The following KLHDC1 variants were observed in gnomAD, a reference collection of about 807,000 sequenced individuals.
KLHDC1 encodes the protein kelch domain containing 1, also known as kelch domain-containing protein 1.
KLHDC1 carries 53 observed loss-of-function variants against 68.3 expected under a neutral mutation model. The ratio of observed to expected loss-of-function variants is 0.78; its 90% CI spans 0.62 to 0.98. KLHDC1 has a LOEUF of 0.98. Ranked by LOEUF, KLHDC1 falls within the 50% of genes least tolerant of loss-of-function variation. The pLI is 0.00. For synonymous variants in KLHDC1, 148 were observed against 159.0 expected, an observed-to-expected ratio of 0.93 and a Z score of 0.52; for missense variants, 470 against 492.3, an observed-to-expected ratio of 0.95 and a Z score of 0.43.
In KLHDC1 at chr14:49,710,356, C is replaced by G; in HGVS notation, c.379C>G (p.Leu127Val). ...GCAACCACCTACACCACGTGATAAACTTTCCTGCTGGGTATATAAAGACAG... is the reference window on the plus strand; with the variant it reads ...GCAACCACCTACACCACGTGATAAAGTTTCCTGCTGGGTATATAAAGACAG... Reference protein sequence around the residue: ...EGQPPTPRDKLSCWVYKDRLI... With the variant: ...EGQPPTPRDKVSCWVYKDRLI... Residue 127 changes from leucine (L) to valine (V), a missense_variant, in exon 4 of 13, where the codon CTT becomes GTT. Transcript: ENST00000359332. The G allele has an allele frequency of 6.2e-7, 1 of 1,603,438 alleles. No individual in the cohort carries two copies. Among genetic ancestry groups the G allele is most frequent in the East Asian group, 2.2e-5 (1 of 44,758 alleles).
intron 1 of KLHDC1, chr14:49,699,942 G>T: frequency 4.8e-6 from 1 of 209,000 alleles, no homozygotes; most frequent in Non-Finnish European, 1.0e-5. Context: ...TGGCATGTTT[G>T]CAGGTAGTAT....
intron 10 of KLHDC1, among the ~76,000 whole-genome samples, chr14:49,737,725 T>C (rs1004237896): frequency 1.4e-5 from 2 of 146,118 alleles, no homozygotes; most frequent in Non-Finnish European, 3.0e-5. Context: ...ATTAGCTGGG[T>C]GTGGTGGCGT....
At chr14:49,724,375 T>C (rs1436840782) in intron 5 of KLHDC1, among the ~76,000 whole-genome samples, 1 of 152,126 alleles carries the variant, frequency 6.6e-6, no homozygotes, top group Non-Finnish European at 1.5e-5. Flanking sequence ...TTTCTACTTA[T>C]TCTTACTGAT....
At chr14:49,736,008 C>G (rs183933835) in intron 10 of KLHDC1, among the ~76,000 whole-genome samples, 3 of 152,110 alleles carry the variant, frequency 2.0e-5, no homozygotes, top group Admixed American at 2.0e-4. Flanking sequence ...GAGCCAGACC[C>G]TGTCTCAAAA....
chr14:49,751,674 A>C lies in KLHDC1; in HGVS notation c.1123A>C (p.Lys375Gln). The change falls in exon 13 of 13, where the codon AAA (lysine) becomes CAA (glutamine). Residue 375 changes from lysine to glutamine, a missense_variant. Transcript: ENST00000359332. ...LPPKLLQQVL[K>Q]KITFWAAANH... ...TCCTAAACTTCTGCAACAAGTACTC[A>C]AAAAAATAACATTTTGGGCTGCAGC... 4 of 1,605,938 alleles carry C rather than the reference A, an allele frequency of 2.5e-6. No homozygotes were observed. Among genetic ancestry groups the C allele is most frequent in the Non-Finnish European group, 3.4e-6 (4 of 1,174,616 alleles).
chr14:49,750,777 G>A (rs1358741188), intron 12 of KLHDC1, among the ~76,000 whole-genome samples: 1 of 152,132 alleles, frequency 6.6e-6, no homozygotes, highest in East Asian at 1.9e-4. Context: ...ATTGTACTTG[G>A]AAGGATACTG....
At chr14:49,711,476 T>C (rs1487407118) in intron 4 of KLHDC1, among the ~76,000 whole-genome samples, 1 of 152,186 alleles carries the variant, frequency 6.6e-6, no homozygotes, top group Admixed American at 6.6e-5. Context: ...GTGCTGGGAT[T>C]ACAAGCGTGA....
chr14:49,710,090 A>G (rs559477453), intron 3 of KLHDC1, among the ~76,000 whole-genome samples, 173 bp from the exon 4 acceptor site: 1 of 152,238 alleles, frequency 6.6e-6, no homozygotes, highest in East Asian at 1.9e-4. Flanking sequence ...TTTATATATC[A>G]TTTTTACTCC....
Position 49,707,366 on chromosome 14 carries a change from G to A in KLHDC1, c.97-1793G>A, listed in dbSNP as rs1256746343. The stretch of plus-strand genomic sequence containing the variant: ...TTTTTTTTTTTTTTTTTTTTTTTTG[G>A]AGACAGAGTCTCCATTTGTTGCCTA... On this transcript the variant is annotated intron_variant, in intron 1 of 12. Transcript: ENST00000359332. 5.0e-5 allele frequency among the ~76,000 whole-genome samples: 4 copies of A among 80,422 alleles called. 1 individual carries two copies. Among genetic ancestry groups the A allele is most frequent in the African/African-American group, 2.0e-4 (4 of 19,852 alleles). The allele number at this position is 80,422 out of a possible 152,430, so 52.8% of individuals were successfully genotyped here.
intron 6 of KLHDC1, 90 bp downstream of exon 6, chr14:49,725,859 T>C: frequency 1.5e-6 from 1 of 684,054 alleles, no homozygotes; most frequent in Non-Finnish European, 2.4e-6. Context: ...TTTTGTTTTG[T>C]GTTTTTGAGA....
intron 10 of KLHDC1, among the ~76,000 whole-genome samples, chr14:49,738,976 CCTCA>C (rs1888997688): frequency 6.6e-6 from 1 of 152,190 alleles, no homozygotes; most frequent in Non-Finnish European, 1.5e-5. Context: ...AACTTAAGGA[CCTCA>C]TAATCTTAGT....
Position 49,751,725 on chromosome 14 carries a change from CA to C in KLHDC1, c.1179del (p.Glu394LysfsTer22). 1 of 1,593,578 alleles carries C rather than the reference CA, an allele frequency of 6.3e-7. No homozygotes were observed. Among genetic ancestry groups the C allele is most frequent in the African/African-American group, 1.4e-5 (1 of 73,644 alleles). On this transcript the variant is annotated frameshift_variant, in exon 13 of 13. Transcript: ENST00000359332. LOFTEE classifies it high-confidence loss of function. Reference sequence around the variant, plus strand: ...TAATCACCGAGAAGAACAAAGAGTCCAAAAAGAAGAAACAGAAAATAAATAT... The same window carrying C: ...TAATCACCGAGAAGAACAAAGAGTCCAAAAGAAGAAACAGAAAATAAATAT... ...AANHREEQRVQKEETENKYQW... is the reference protein window; with the variant it reads ...AANHREEQRVXKEETENKYQW...
intron 1 of KLHDC1, chr14:49,708,524 A>C (rs1481464309): frequency 6.6e-6 from 1 of 152,218 alleles, no homozygotes; most frequent in African/African-American, 2.4e-5. Flanking sequence ...TTATCTTTTC[A>C]TCAAGAATGT....
At chr14:49,695,115 G>GGTGTGTGTGT (rs753979963) in intron 1 of KLHDC1, among the ~76,000 whole-genome samples, 5 of 22,926 alleles carry the variant, frequency 2.2e-4, no homozygotes, top group Non-Finnish European at 4.4e-4. Context: ...ATGCAGTTTT[G>GGTGTGTGTGT]ATGTGTGTGT....
At chr14:49,695,939 G>A (rs1037613230) in intron 1 of KLHDC1, among the ~76,000 whole-genome samples, 6 of 151,954 alleles carry the variant, frequency 3.9e-5, no homozygotes, top group South Asian at 2.1e-4. Context: ...GGTGGCAGGC[G>A]CCTATAGTCT....
chr14:49,695,810 A>T (rs951960312), intron 1 of KLHDC1, among the ~76,000 whole-genome samples: 1 of 152,190 alleles, frequency 6.6e-6, no homozygotes, highest in African/African-American at 2.4e-5. Flanking sequence ...CACGCCTGTA[A>T]TCCCAGGACT....
At chr14:49,722,176 G>A (rs1264822481) in intron 4 of KLHDC1, among the ~76,000 whole-genome samples, 8 of 152,222 alleles carry the variant, frequency 5.3e-5, no homozygotes, top group East Asian at 3.9e-4. Flanking sequence ...TGTGCACAAC[G>A]TGCAGGTTTG....
chr14:49,747,457 G>C (rs1889228222), intron 12 of KLHDC1, among the ~76,000 whole-genome samples: 2 of 152,182 alleles, frequency 1.3e-5, no homozygotes, highest in Non-Finnish European at 1.5e-5. Context: ...GAAAATGCAG[G>C]AAAAGCGGGT....
chr14:49,724,053 T>C (rs1888605881), intron 5 of KLHDC1, 101 bp downstream of exon 5: 1 of 649,314 alleles, frequency 1.5e-6, no homozygotes, highest in Non-Finnish European at 2.6e-6. Context: ...AGCTACCAAT[T>C]TGTCGTAATT....
Sources: allele counts gnomAD v4.1 joint callset (sites outside exome capture counted in the v4.1 genomes callset), GRCh38; gene constraint gnomAD v4.1.1; transcripts MANE v1.5; gene names NCBI Gene and HGNC (gene_info 2026-07-23, HGNC 2026-07-21).